The following SP3 variants were observed in gnomAD, a reference collection of about 807,000 sequenced individuals.
SP3 encodes the protein transcription factor Sp3.
Under a neutral mutation model 70.3 loss-of-function variants are expected in SP3, and 10 were observed. The observed-to-expected ratio is 0.14, with a 90% CI of 0.09 to 0.24. The LOEUF (loss-of-function observed/expected upper bound fraction) is 0.24. Ranked by LOEUF, SP3 falls within the 10% of genes least tolerant of loss-of-function variation. SP3 has a pLI of 1.00. For synonymous variants in SP3, 402 were observed against 333.5 expected (o/e 1.21, Z -2.24); for missense variants, 825 against 914.6 (o/e 0.90, Z 1.26).
intron 5 of SP3, chr2:173,913,572 TC>T (rs1689546679): frequency 5.7e-6 from 1 of 176,376 alleles, no homozygotes. Context: ...TATTTATTCT[TC>T]TATCAGAACC....
chr2:173,953,021 A>C (rs555065041), intron 4 of SP3, among the ~76,000 whole-genome samples: 1 of 152,346 alleles, frequency 6.6e-6, no homozygotes, highest in African/African-American at 2.4e-5. Context: ...GAATTGTATA[A>C]AGAGTGAGTT....
At position 173,960,369 on chromosome 2, in the gene SP3, G is replaced by A. The variant is rs539474025; in HGVS notation, c.279+3392C>T. On this transcript the variant is annotated intron_variant, in intron 3 of 6. Transcript: ENST00000310015. The stretch of plus-strand genomic sequence containing the variant: ...ATGCCTTTACGAAAGCCAGAAATAG[G>A]AAAGGAAGGAGTATAACTGGAAACA... Among the ~76,000 whole-genome samples, 16 of 152,292 alleles carry A rather than the reference G, an allele frequency of 1.1e-4. No individual in the cohort carries two copies. In the South Asian group the frequency reaches 2.9e-3, roughly 28 times the overall value.
chr2:173,960,368 G>C (rs1479659651), intron 3 of SP3, among the ~76,000 whole-genome samples: 1 of 152,166 alleles, frequency 6.6e-6, no homozygotes, highest in Admixed American at 6.5e-5. Flanking sequence ...GCCAGAAATA[G>C]GAAAGGAAGG....
In SP3 at chr2:173,902,608, A is replaced by C. The variant is rs1689210575; in HGVS notation, c.*7333T>G. ...GAAGAAAATGGATACATTGTGATAAACTTATTCAATGAACTACAGCATTTA... is the reference window on the plus strand; with the variant it reads ...GAAGAAAATGGATACATTGTGATAACCTTATTCAATGAACTACAGCATTTA... On this transcript the variant is annotated 3_prime_UTR_variant, in exon 7 of 7. Transcript: ENST00000310015. Among the ~76,000 whole-genome samples the C allele has an allele frequency of 6.6e-6, 1 of 152,226 alleles. No individual in the cohort carries two copies. Among genetic ancestry groups the C allele is most frequent in the African/African-American group, 2.4e-5 (1 of 41,456 alleles).
intron 1 of SP3, chr2:173,964,850 C>G: frequency 4.1e-6 from 2 of 485,204 alleles, no homozygotes; most frequent in East Asian, 3.6e-5. Flanking sequence ...CTCGCTCTCA[C>G]TCGCGCTCGC....
At chr2:173,942,159 A>G (rs979259904) in intron 4 of SP3, among the ~76,000 whole-genome samples, 4 of 152,184 alleles carry the variant, frequency 2.6e-5, no homozygotes, top group Non-Finnish European at 4.4e-5. Flanking sequence ...TTACAACACA[A>G]CTTTCCTGGT....
intron 2 of SP3, chr2:173,964,162 G>A (rs1353206815): frequency 1.5e-5 from 6 of 393,532 alleles, no homozygotes; most frequent in South Asian, 7.6e-5. Context: ...CCCACCCCCG[G>A]GAGGGCACGC....
rs1284933977 is a variant in SP3 at position 173,965,337 on chromosome 2, G to C, written c.-166C>G. Reference sequence around the variant, plus strand: ...ATTGACTGTGCGGGAAACACAAAAGGTGGAGCCTCCAGCCCAAAAGGGGGG... The same window carrying C: ...ATTGACTGTGCGGGAAACACAAAAGCTGGAGCCTCCAGCCCAAAAGGGGGG... On this transcript the variant is annotated 5_prime_UTR_variant, in exon 1 of 7. Coordinates refer to ENST00000310015, the MANE Select transcript of SP3 (RefSeq NM_003111.5). 1 of 783,508 alleles carries C rather than the reference G, an allele frequency of 1.3e-6. No homozygotes were observed. The highest frequency in any genetic ancestry group is 2.0e-6 in the Non-Finnish European group (1 of 488,284). 48.5% of individuals were successfully genotyped at this position (783,508 alleles called of 1,614,324 possible).
chr2:173,903,238 GTGGTTTACA>G lies in SP3; in HGVS notation c.*6694_*6702del. ...TAATATGTGCCAGGCATTATGGAAA[GTGGTTTACA>G]TGCATTAACTTATTTATCTCCATAA... On this transcript the variant is annotated 3_prime_UTR_variant, in exon 7 of 7. Transcript: ENST00000310015. 6.6e-6 allele frequency among the ~76,000 whole-genome samples: 1 copy of G among 152,274 alleles called. No homozygotes were observed. The highest frequency in any genetic ancestry group is 2.1e-4 in the South Asian group (1 of 4,828).
rs1689178157 is a variant in SP3, at chr2:173,900,820, G to C, written c.*9121C>G. Among the ~76,000 whole-genome samples, 1 of 152,154 alleles carries C rather than the reference G, an allele frequency of 6.6e-6. No homozygotes were observed. Among genetic ancestry groups the C allele is most frequent in the Non-Finnish European group, 1.5e-5 (1 of 68,004 alleles). ...TATTTTTAAAAACCATTAAAGACTT[G>C]AATTAATGGAGAGATACAGAATTAT... On this transcript the variant is annotated 3_prime_UTR_variant, in exon 7 of 7. Coordinates refer to ENST00000310015, the MANE Select transcript of SP3 (RefSeq NM_003111.5).
chr2:173,947,481 G>A (rs1690579690), intron 4 of SP3, among the ~76,000 whole-genome samples: 1 of 152,074 alleles, frequency 6.6e-6, no homozygotes, highest in Admixed American at 6.6e-5. Flanking sequence ...GCCTTGAATA[G>A]CAAGATGCAC....
At chr2:173,956,534 C>CA (rs1690897394) in intron 3 of SP3, among the ~76,000 whole-genome samples, 1 of 152,086 alleles carries the variant, frequency 6.6e-6, no homozygotes, top group Non-Finnish European at 1.5e-5. Context: ...AGTTAAAACA[C>CA]AAAACAAAAC....
At chr2:173,937,381 C>G (rs999942382) in intron 4 of SP3, among the ~76,000 whole-genome samples, 5 of 152,096 alleles carry the variant, frequency 3.3e-5, no homozygotes, top group African/African-American at 1.2e-4. Flanking sequence ...GGGAAATAGC[C>G]TAAACAGTCA....
rs188674109 is a variant in SP3 at position 173,915,460 on chromosome 2, C to T, written c.1833-2194G>A. The T allele has an allele frequency of 7.2e-5, 11 of 152,236 alleles. No individual in the cohort carries two copies. The East Asian group carries it at 1.5e-3, about 21-fold the overall frequency. The allele number at this position is 152,236 out of a possible 1,614,324, so 9.4% of individuals were successfully genotyped here. On this transcript the variant is annotated intron_variant, in intron 5 of 6. Transcript: ENST00000310015. ...GTTTTCTTCTTGATTAATATCCACA[C>T]CACTAATGCCTATAATATAGGAAAA...
chr2:173,948,333 T>G (rs1423111194), intron 4 of SP3, among the ~76,000 whole-genome samples: 1 of 152,200 alleles, frequency 6.6e-6, no homozygotes. Context: ...TTACATGCCA[T>G]TCTTTGCACT....
At chr2:173,913,038 A>G in intron 6 of SP3, 32 bp downstream of exon 6, 2 of 1,486,852 alleles carry the variant, frequency 1.3e-6, no homozygotes, top group African/African-American at 1.4e-5. Flanking sequence ...CCTATAATTC[A>G]TTTTTGTCTG....
intron 4 of SP3, among the ~76,000 whole-genome samples, chr2:173,950,025 ATAAAG>A (rs912334997): frequency 6.6e-6 from 1 of 152,200 alleles, no homozygotes; most frequent in African/African-American, 2.4e-5. Context: ...TACAGCAACG[ATAAAG>A]TAAAAATGAG....
intron 4 of SP3, among the ~76,000 whole-genome samples, chr2:173,946,220 G>A (rs190795366): frequency 4.6e-5 from 7 of 152,174 alleles, no homozygotes; most frequent in African/African-American, 1.4e-4. Flanking sequence ...GTTCATAATT[G>A]CTAAAGCTGG....
intron 2 of SP3, 118 bp from the exon 3 acceptor site, chr2:173,964,001 G>A: frequency 5.4e-6 from 3 of 558,044 alleles, no homozygotes; most frequent in Non-Finnish European, 5.7e-6. Flanking sequence ...CCGGGCAAGC[G>A]CCAGCCCGCG....
Sources: gnomAD v4.1 joint callset for allele counts (sites outside exome capture counted in the v4.1 genomes callset) on GRCh38, gnomAD v4.1.1 for gene constraint, MANE v1.5 for transcripts, NCBI Gene and HGNC (gene_info 2026-07-23, HGNC 2026-07-21) for gene names.